Variants in ITIH6 observed in about 807,000 individuals in gnomAD.
The protein encoded by ITIH6 is inter-alpha-trypsin inhibitor heavy chain H6.
In ITIH6, 60 loss-of-function variants were observed where a neutral mutation model predicts 58.2. The ratio of observed to expected loss-of-function variants is 1.03; its 90% CI spans 0.84 to 1.28. The LOEUF is 1.28. ITIH6 is among the 50% of genes most tolerant of loss of function. ITIH6 has a pLI of 0.00. For synonymous variants in ITIH6, 493 were observed against 417.4 expected, an observed-to-expected ratio of 1.18 and a Z score of -2.21; for missense variants, 1,290 against 1,021.1, an observed-to-expected ratio of 1.26 and a Z score of -3.59.
At chrX:54,763,221 T>A (rs1196480063) in intron 6 of ITIH6, among the ~76,000 whole-genome samples, 1 of 111,901 alleles carries the variant, frequency 8.9e-6, no homozygotes, top group African/African-American at 3.2e-5. Context: ...TGCTTCTAAG[T>A]GGATTAGAGT....
At chrX:54,778,195 CT>C (rs1333374493) in intron 5 of ITIH6, among the ~76,000 whole-genome samples, 1,400 of 92,403 alleles carry the variant, frequency 0.015, 22 homozygotes, top group African/African-American at 0.042. Context: ...GCACCAGAGT[CT>C]TTTTTTTTTT....
rs932573737 is a variant in ITIH6, at chrX:54,795,870, C to T, written c.257+1072G>A. On this transcript the variant is annotated intron_variant, in intron 2 of 12. Coordinates refer to ENST00000218436, the MANE Select transcript of ITIH6 (RefSeq NM_198510.3). Reference sequence around the variant, plus strand: ...TTAAAGTAATCTGCTCACTGCTCCCCAACCCAATGCTCTTTTTTAGAGACA... The same window carrying T: ...TTAAAGTAATCTGCTCACTGCTCCCTAACCCAATGCTCTTTTTTAGAGACA... 2.7e-5 allele frequency among the ~76,000 whole-genome samples: 3 copies of T among 111,235 alleles called. No individual in the cohort carries two copies. The Admixed American group carries it at 2.9e-4, about 11-fold the overall frequency.
chrX:54,788,288 G>A (rs1408838091), intron 5 of ITIH6, among the ~76,000 whole-genome samples, 192 bp downstream of exon 5: 1 of 111,735 alleles, frequency 8.9e-6, no homozygotes, highest in Non-Finnish European at 1.9e-5. Flanking sequence ...ACAGTTCCAG[G>A]TCTCCAACCC....
intron 5 of ITIH6, among the ~76,000 whole-genome samples, chrX:54,775,558 AG>A (rs1398180190): frequency 1.8e-5 from 2 of 111,561 alleles, no homozygotes; most frequent in Non-Finnish European, 3.8e-5. Flanking sequence ...AGTACTCCTC[AG>A]GTCCCCTCTC....
At chrX:54,771,297 C>G (rs1012150962) in intron 6 of ITIH6, among the ~76,000 whole-genome samples, 3 of 112,102 alleles carry the variant, frequency 2.7e-5, no homozygotes, top group African/African-American at 9.7e-5. Flanking sequence ...TCTCTTTCTT[C>G]TCCTTCTATT....
Position 54,751,010 on chromosome X carries a change from G to A in ITIH6, c.3723C>T (p.Gly1241=). Residue 1241 remains glycine, a synonymous_variant, in exon 12 of 13, where the codon GGC becomes GGT. Coordinates refer to ENST00000218436, the MANE Select transcript of ITIH6 (RefSeq NM_198510.3). ...AGCCTCAGCTGCACTTACCTATCAG[G>A]CCACGGGCTGAGGGGCTGAGGCCTG... ...NGSGLSPSAR[G]LIGQFQHADI... 1 of 1,158,004 alleles carries A rather than the reference G, an allele frequency of 8.6e-7. No individual in the cohort carries two copies. Among genetic ancestry groups the A allele is most frequent in the Non-Finnish European group, 1.2e-6 (1 of 867,480 alleles).
chrX:54,764,215 T>G (rs1260755628), intron 6 of ITIH6, among the ~76,000 whole-genome samples: 1 of 112,032 alleles, frequency 8.9e-6, no homozygotes, highest in Admixed American at 9.5e-5. Flanking sequence ...ATAGTTGGAT[T>G]AATATTTGCC....
At chrX:54,780,571 A>G (rs1929129675) in intron 5 of ITIH6, among the ~76,000 whole-genome samples, 1 of 111,963 alleles carries the variant, frequency 8.9e-6, no homozygotes, top group South Asian at 3.7e-4. Flanking sequence ...AAATAAGAAG[A>G]AAAATGTAAA....
chrX:54,796,024 C>G (rs1033640121), intron 2 of ITIH6, among the ~76,000 whole-genome samples: 1 of 111,251 alleles, frequency 9.0e-6, no homozygotes, highest in Non-Finnish European at 1.9e-5. Context: ...ACCACCACAC[C>G]CTGCTAATTT....
chrX:54,767,276 C>T (rs1478265123), intron 6 of ITIH6, among the ~76,000 whole-genome samples: 1 of 106,360 alleles, frequency 9.4e-6, no homozygotes, highest in Non-Finnish European at 1.9e-5. Flanking sequence ...TGATTCTTCT[C>T]TCTTTTTTTC....
chrX:54,759,314 C>T (rs768358155), intron 7 of ITIH6, among the ~76,000 whole-genome samples: 5 of 111,499 alleles, frequency 4.5e-5, no homozygotes, highest in Admixed American at 9.5e-5. Flanking sequence ...TAGCACCCCC[C>T]CCTCCAACCT....
intron 3 of ITIH6, among the ~76,000 whole-genome samples, chrX:54,791,378 C>T (rs1033424266): frequency 1.8e-5 from 2 of 109,778 alleles, no homozygotes; most frequent in Non-Finnish European, 3.8e-5. Context: ...AACAGACCAA[C>T]TAGGGTCTAA....
intron 6 of ITIH6, among the ~76,000 whole-genome samples, chrX:54,771,629 T>A (rs1012125150): frequency 8.9e-6 from 1 of 112,003 alleles, no homozygotes; most frequent in Non-Finnish European, 1.9e-5. Context: ...AGCATATTAA[T>A]CATGGGTTTT....
At chrX:54,751,901 T>TTAGTG (rs2147598477) in intron 11 of ITIH6, among the ~76,000 whole-genome samples, 1 of 111,722 alleles carries the variant, frequency 9.0e-6, no homozygotes, top group African/African-American at 3.3e-5. Context: ...TTTCCATGCA[T>TTAGTG]CAGTGTATTT....
chrX:54,776,241 C>T (rs185949372), intron 5 of ITIH6, among the ~76,000 whole-genome samples: 32 of 110,995 alleles, frequency 2.9e-4, no homozygotes, highest in African/African-American at 1.0e-3. Flanking sequence ...GCATTCAAAA[C>T]AGCCCTAGCT....
rs1214795180 is a variant in ITIH6 at position 54,753,927 on chromosome X, T to C, written c.3238+3A>G. On this transcript the variant is annotated splice_donor_region_variant and intron_variant, in intron 10 of 12. Transcript: ENST00000218436. ...AGGGGAGCCATGGGGGTGACTGGCT[T>C]ACCTGAGGAGGAGAAGGTGAAGATG... 1 of 1,207,575 alleles carries C rather than the reference T, an allele frequency of 8.3e-7. No individual in the cohort carries two copies. Among genetic ancestry groups the C allele is most frequent in the African/African-American group, 1.8e-5 (1 of 56,985 alleles).
chrX:54,762,371 A>G (rs1037651600), intron 6 of ITIH6, among the ~76,000 whole-genome samples: 1 of 111,645 alleles, frequency 9.0e-6, no homozygotes, highest in African/African-American at 3.3e-5. Flanking sequence ...ATATACAATC[A>G]TGTCATCTGC....
chrX:54,765,910 T>G, intron 6 of ITIH6, among the ~76,000 whole-genome samples: 1 of 111,407 alleles, frequency 9.0e-6, no homozygotes, highest in East Asian at 2.8e-4. Context: ...TGAAAGTAGT[T>G]TATTCCAATT....
At chrX:54,789,145 G>A (rs1200267581) in intron 4 of ITIH6, among the ~76,000 whole-genome samples, 1 of 111,894 alleles carries the variant, frequency 8.9e-6, no homozygotes, top group Non-Finnish European at 1.9e-5. Context: ...CCTCTGGGTC[G>A]GATTTCATAT....
Sources: allele counts gnomAD v4.1 joint callset (sites outside exome capture counted in the v4.1 genomes callset), GRCh38; gene constraint gnomAD v4.1.1; transcripts MANE v1.5; gene names NCBI Gene and HGNC (gene_info 2026-07-23, HGNC 2026-07-21).